GPR158: variants seen among roughly 807,000 people sequenced by gnomAD.
GPR158 encodes the protein G protein-coupled receptor 158.
GPR158 carries 30 observed loss-of-function variants against 78.2 expected under a neutral mutation model. That is an observed-to-expected ratio of 0.38 (90% CI 0.29 to 0.52). The LOEUF is 0.52. Ranked by LOEUF, GPR158 falls within the 20% of genes least tolerant of loss-of-function variation. GPR158 has a pLI of 0.83. For synonymous variants in GPR158, 581 were observed against 591.1 expected (o/e 0.98, Z 0.25); for missense variants, 1,463 against 1,523.5 (o/e 0.96, Z 0.66).
At chr10:25,241,319 C>CTCTTT (rs1853618737) in intron 2 of GPR158, among the ~76,000 whole-genome samples, 1 of 117,500 alleles carries the variant, frequency 8.5e-6, no homozygotes, top group African/African-American at 3.7e-5. Flanking sequence ...CTTTTCTCTT[C>CTCTTT]TCTTCTCTTC....
chr10:25,452,127 T>C (rs1362400195), intron 4 of GPR158, among the ~76,000 whole-genome samples: 3 of 151,348 alleles, frequency 2.0e-5, no homozygotes, highest in African/African-American at 7.3e-5. Context: ...AGACTCAACC[T>C]CCTGGGCTCA....
chr10:25,392,435 A>T (rs1626372), intron 2 of GPR158, among the ~76,000 whole-genome samples: 98,182 of 152,138 alleles, frequency 0.65, 32,657 homozygotes, highest in Non-Finnish European at 0.73. Context: ...CTAGCAGGCC[A>T]GAGCAAAAGT....
At chr10:25,193,727 C>G (rs1202794619) in intron 1 of GPR158, among the ~76,000 whole-genome samples, 2 of 152,008 alleles carry the variant, frequency 1.3e-5, no homozygotes, top group South Asian at 2.1e-4. Context: ...TTTTCCTCCT[C>G]CTTTCAGTCT....
chr10:25,399,367 C>T (rs1291149200), intron 3 of GPR158, among the ~76,000 whole-genome samples: 1 of 152,158 alleles, frequency 6.6e-6, no homozygotes, highest in Admixed American at 6.5e-5. Flanking sequence ...CCAAACTCTG[C>T]CTCCTATCAG....
At chr10:25,383,573 G>A (rs1834185342) in intron 2 of GPR158, among the ~76,000 whole-genome samples, 1 of 152,138 alleles carries the variant, frequency 6.6e-6, no homozygotes, top group Non-Finnish European at 1.5e-5. Flanking sequence ...TTGAGTTGAG[G>A]AACTCTGCAT....
chr10:25,248,809 G>T (rs1305783912), intron 2 of GPR158, among the ~76,000 whole-genome samples: 2 of 151,170 alleles, frequency 1.3e-5, no homozygotes, highest in South Asian at 2.1e-4. Context: ...CTCTTTTTTG[G>T]TTCCATATGA....
chr10:25,542,489 C>T (rs548276162), intron 5 of GPR158, among the ~76,000 whole-genome samples: 1 of 152,162 alleles, frequency 6.6e-6, no homozygotes, highest in South Asian at 2.1e-4. Flanking sequence ...CTGTCTCTAT[C>T]AATGTGTCTA....
intron 2 of GPR158, among the ~76,000 whole-genome samples, chr10:25,387,860 C>A (rs907691180): frequency 6.6e-6 from 1 of 152,076 alleles, no homozygotes; most frequent in South Asian, 2.1e-4. Flanking sequence ...GTTGTTTATT[C>A]TTTTATACAT....
intron 2 of GPR158, among the ~76,000 whole-genome samples, chr10:25,247,485 TCCCCAGA>T (rs1308259338): frequency 1.0e-5 from 1 of 95,790 alleles, no homozygotes; most frequent in Non-Finnish European, 1.9e-5. Context: ...CCCACCACAG[TCCCCAGA>T]GTGTGATATT....
chr10:25,287,165 A>G (rs1252435290), intron 2 of GPR158, among the ~76,000 whole-genome samples: 9 of 151,292 alleles, frequency 5.9e-5, no homozygotes, highest in Non-Finnish European at 1.2e-4. Flanking sequence ...ATGTAGAGAG[A>G]TTTTTTTCCT....
Position 25,420,039 on chromosome 10 carries a change from T to C in GPR158, c.1335+7566T>C, listed in dbSNP as rs941561487. ...TTCATTGTTGAGTTGTAGGAGTTCC[T>C]TATATATGCTGTATATTAATCTCTT... On this transcript the variant is annotated intron_variant, in intron 4 of 10. Transcript: ENST00000376351. Among the ~76,000 whole-genome samples the C allele has an allele frequency of 3.9e-5, 6 of 152,350 alleles. No homozygotes were observed. In the Middle Eastern group the frequency reaches 0.01, roughly 259 times the overall value.
At chr10:25,570,918 T>C (rs1836997259) in intron 6 of GPR158, among the ~76,000 whole-genome samples, 1 of 152,148 alleles carries the variant, frequency 6.6e-6, no homozygotes, top group Non-Finnish European at 1.5e-5. Flanking sequence ...AGACTCCATC[T>C]TAAAAAAAAT....
At chr10:25,565,364 T>G (rs889483020) in intron 6 of GPR158, among the ~76,000 whole-genome samples, 1 of 152,152 alleles carries the variant, frequency 6.6e-6, no homozygotes, top group Non-Finnish European at 1.5e-5. Context: ...TTGGATGAGG[T>G]TCCTGAGATG....
intron 2 of GPR158, among the ~76,000 whole-genome samples, chr10:25,336,242 TTA>T (rs1197194326): frequency 1.2e-4 from 19 of 152,214 alleles, no homozygotes; most frequent in Admixed American, 2.6e-4. Flanking sequence ...ATTTGAATGT[TTA>T]TGTTATTTGA....
Position 25,415,085 on chromosome 10 carries a change from A to G in GPR158, c.1335+2612A>G, listed in dbSNP as rs990400416. Among the ~76,000 whole-genome samples, 9 of 152,256 alleles carry G rather than the reference A, an allele frequency of 5.9e-5. No homozygotes were observed. In the East Asian group the frequency reaches 1.3e-3, roughly 23 times the overall value. On this transcript the variant is annotated intron_variant, in intron 4 of 10. Transcript: ENST00000376351. ...AAACCCAAGAAACTTTTATTAGGAGAAAACATTGACATAAATCTTCATGAC... is the reference window on the plus strand; with the variant it reads ...AAACCCAAGAAACTTTTATTAGGAGGAAACATTGACATAAATCTTCATGAC...
intron 2 of GPR158, among the ~76,000 whole-genome samples, chr10:25,233,649 A>G (rs145818807): frequency 2.6e-5 from 4 of 152,340 alleles, no homozygotes; most frequent in African/African-American, 9.6e-5. Flanking sequence ...AGTCATTTTC[A>G]AAGTGTGGTC....
intron 4 of GPR158, among the ~76,000 whole-genome samples, chr10:25,457,291 G>T (rs1455884148): frequency 1.3e-5 from 2 of 151,800 alleles, no homozygotes; most frequent in Non-Finnish European, 2.9e-5. Flanking sequence ...ACTGCGTCTG[G>T]CCTGTTAATA....
chr10:25,276,974 G>T (rs1331288012), intron 2 of GPR158, among the ~76,000 whole-genome samples: 3 of 150,608 alleles, frequency 2.0e-5, no homozygotes, highest in Non-Finnish European at 4.4e-5. Flanking sequence ...ATAATAGACA[G>T]GGTCTCACTC....
intron 2 of GPR158, among the ~76,000 whole-genome samples, chr10:25,332,791 A>T (rs1036769820): frequency 9.9e-5 from 15 of 152,218 alleles, no homozygotes; most frequent in Admixed American, 2.0e-4. Context: ...ACTTAAAAAA[A>T]TTCGACACTA....
Sources: gnomAD v4.1 joint callset for allele counts (sites outside exome capture counted in the v4.1 genomes callset) on GRCh38, gnomAD v4.1.1 for gene constraint, MANE v1.5 for transcripts, NCBI Gene and HGNC (gene_info 2026-07-23, HGNC 2026-07-21) for gene names.